CFAP97D2: variants seen among roughly 807,000 people sequenced by gnomAD.
The protein encoded by CFAP97D2 is uncharacterized protein CFAP97D2.
chr13:114,200,922 G>A (rs969487700), intron 3 of CFAP97D2, among the ~76,000 whole-genome samples: 1 of 152,234 alleles, frequency 6.6e-6, no homozygotes, highest in East Asian at 1.9e-4. Context: ...AAAAGGTTTT[G>A]TTTCTCTGTC....
intron 3 of CFAP97D2, among the ~76,000 whole-genome samples, chr13:114,201,328 C>G (rs1376160702): frequency 6.6e-6 from 1 of 152,184 alleles, no homozygotes; most frequent in Non-Finnish European, 1.5e-5. Context: ...GACTTTTGGC[C>G]TGTACCTATC....
chr13:114,211,852 G>A lies in CFAP97D2; in HGVS notation c.291-60G>A. 2.5e-6 allele frequency: 1 copy of A among 398,424 alleles called. No homozygotes were observed. Among genetic ancestry groups the A allele is most frequent in the South Asian group, 1.3e-4 (1 of 7,618 alleles). 24.7% of individuals were successfully genotyped at this position (398,424 alleles called of 1,614,324 possible). On this transcript the variant is annotated intron_variant, in intron 3 of 4. Transcript: ENST00000646158. This position sits in a 1 kb window ranked among gnomAD's most constrained non-coding sequence, Gnocchi z 4.2. ...CTGCTCTGGAGCCTGTTGGCCCTGT[G>A]GAGGGAATGGCAGCCTTAATAAAAT...
At position 114,222,082 on chromosome 13, in the gene CFAP97D2, C is replaced by T. The variant is rs191796137; in HGVS notation, c.481-416C>T. Among the ~76,000 whole-genome samples the T allele has an allele frequency of 6.6e-6, 1 of 152,222 alleles. No homozygotes were observed. The highest frequency in any genetic ancestry group is 1.5e-5 in the Non-Finnish European group (1 of 68,000). On this transcript the variant is annotated intron_variant, in intron 4 of 4. Coordinates refer to ENST00000646158, the Ensembl canonical transcript of CFAP97D2. This position sits in a 1 kb window ranked among gnomAD's most constrained non-coding sequence, Gnocchi z 4.4. ...AAACCTTAAAGACATTATTATGTTC[C>T]GTGAAAAAGCTGGATACTAAATGCC... is the stretch of plus-strand genomic sequence containing the variant.
intron 4 of CFAP97D2, among the ~76,000 whole-genome samples, chr13:114,219,894 T>C (rs1301394381): frequency 1.8e-4 from 28 of 151,956 alleles, no homozygotes; most frequent in Admixed American, 1.8e-3. Context: ...CCCAGGGCCA[T>C]AGGGTACCTC....
intron 1 of CFAP97D2, among the ~76,000 whole-genome samples, chr13:114,180,379 G>A (rs1382743771): frequency 6.6e-6 from 1 of 152,060 alleles, no homozygotes; most frequent in Non-Finnish European, 1.5e-5. Flanking sequence ...ATAGCACCCA[G>A]CCCCCACCCC....
At chr13:114,196,038 G>A (rs954988837) in intron 1 of CFAP97D2, among the ~76,000 whole-genome samples, 45 of 144,286 alleles carry the variant, frequency 3.1e-4, no homozygotes, top group Middle Eastern at 3.5e-3. Context: ...AGCCAAGATT[G>A]CGCCACTATG....
intron 3 of CFAP97D2, among the ~76,000 whole-genome samples, chr13:114,200,779 A>G (rs2080914247): frequency 6.6e-6 from 1 of 152,218 alleles, no homozygotes; most frequent in South Asian, 2.1e-4. Flanking sequence ...TGCACCTCAC[A>G]GGACAGTAGG....
chr13:114,205,731 T>C (rs1334852970), intron 3 of CFAP97D2, among the ~76,000 whole-genome samples: 2 of 152,176 alleles, frequency 1.3e-5, no homozygotes, highest in Non-Finnish European at 2.9e-5. Context: ...TGGGCTTGCC[T>C]CTCCCATCTT....
At chr13:114,190,299 C>T (rs1309098154) in intron 1 of CFAP97D2, among the ~76,000 whole-genome samples, 2 of 152,084 alleles carry the variant, frequency 1.3e-5, no homozygotes, top group African/African-American at 4.8e-5. Context: ...ATGTTAGATA[C>T]TGCAATAAGG....
intron 3 of CFAP97D2, among the ~76,000 whole-genome samples, chr13:114,210,890 A>ACACACACT (rs939966769): frequency 6.6e-6 from 1 of 150,616 alleles, no homozygotes; most frequent in Non-Finnish European, 1.5e-5. Flanking sequence ...ACACACACAC[A>ACACACACT]CTTTAATGGC....
At chr13:114,182,304 T>G (rs564305291) in intron 1 of CFAP97D2, among the ~76,000 whole-genome samples, 1 of 152,136 alleles carries the variant, frequency 6.6e-6, no homozygotes, top group Admixed American at 6.5e-5. Context: ...GCAGCATTAC[T>G]GCAAACATGT....
intron 3 of CFAP97D2, among the ~76,000 whole-genome samples, chr13:114,204,473 T>C (rs2138774498): frequency 6.6e-6 from 1 of 152,314 alleles, no homozygotes; most frequent in Non-Finnish European, 1.5e-5. Context: ...AAAGCTATAG[T>C]AATCAAGATA....
intron 4 of CFAP97D2, among the ~76,000 whole-genome samples, chr13:114,213,070 A>G (rs2080975228): frequency 6.6e-6 from 1 of 152,146 alleles, no homozygotes; most frequent in Non-Finnish European, 1.5e-5. Flanking sequence ...TCATTAATAT[A>G]CTGCTTATAA....
intron 1 of CFAP97D2, among the ~76,000 whole-genome samples, chr13:114,182,670 A>G (rs892209992): frequency 2.0e-5 from 3 of 152,182 alleles, no homozygotes; most frequent in Non-Finnish European, 2.9e-5. Context: ...ACTTTTACCA[A>G]GTATACTGCT....
chr13:114,214,270 G>C (rs1381070798), intron 4 of CFAP97D2: 1 of 150,842 alleles, frequency 6.6e-6, no homozygotes. Context: ...GAATCCCGAA[G>C]AGTGAAGAGA....
At chr13:114,180,953 G>T (rs945667211) in intron 1 of CFAP97D2, among the ~76,000 whole-genome samples, 1 of 152,326 alleles carries the variant, frequency 6.6e-6, no homozygotes, top group East Asian at 1.9e-4. Context: ...GTGAACTTTG[G>T]TAGGTTGACT....
intron 3 of CFAP97D2, 82 bp downstream of exon 3, chr13:114,200,525 C>T: frequency 2.5e-6 from 1 of 397,126 alleles, no homozygotes; most frequent in Non-Finnish European, 4.4e-6. Flanking sequence ...AGCAGAAGAG[C>T]TGCCCGTGGG....
downstream of CFAP97D2, chr13:114,222,747 G>A (rs1323373778): frequency 1.8e-5 from 7 of 386,382 alleles, no homozygotes; most frequent in Non-Finnish European, 3.2e-5. This position sits in a 1 kb window ranked among gnomAD's most constrained non-coding sequence, Gnocchi z 4.4. Context: ...TCTCTTCACT[G>A]TTATCACAGC....
intron 2 of CFAP97D2, 122 bp from the exon 3 acceptor site, chr13:114,200,203 G>A (rs1007214646): frequency 7.6e-6 from 3 of 394,098 alleles, no homozygotes; most frequent in Non-Finnish European, 4.5e-6. Context: ...GCGTGATGGC[G>A]CACTCGCCGA....
Sources: allele counts gnomAD v4.1 joint callset (sites outside exome capture counted in the v4.1 genomes callset), GRCh38; gene constraint gnomAD v4.1.1; non-coding constraint Gnocchi (gnomAD v3.1); transcripts MANE v1.5; gene names NCBI Gene and HGNC (gene_info 2026-07-23, HGNC 2026-07-21).